BAZ2A: variants seen among roughly 807,000 people sequenced by gnomAD.
The protein encoded by BAZ2A is bromodomain adjacent to zinc finger domain protein 2A.
In BAZ2A, 34 loss-of-function variants were observed where a neutral mutation model predicts 199.9. The ratio of observed to expected loss-of-function variants is 0.17; its 90% confidence interval spans 0.13 to 0.23. BAZ2A has a LOEUF of 0.23. Ranked by LOEUF, BAZ2A falls within the 10% of genes least tolerant of loss-of-function variation. The pLI is 1.00. For missense variants in BAZ2A, 2,002 were observed against 2,391.1 expected (o/e 0.84, Z 3.39); for synonymous variants, 857 against 883.9 (o/e 0.97, Z 0.54).
chr12:56,611,417 G>T, intron 7 of BAZ2A, 156 bp downstream of exon 7: 1 of 725,244 alleles, frequency 1.4e-6, no homozygotes, highest in Non-Finnish European at 2.3e-6. Context: ...GGAATCTCAT[G>T]CCAAGAAACA....
chr12:56,635,090 A>G, upstream of BAZ2A: 1 of 963,782 alleles, frequency 1.0e-6, no homozygotes, highest in Non-Finnish European at 1.2e-6. The surrounding 1 kb of genome is among the most constrained non-coding windows in gnomAD (Gnocchi z 4.1). Context: ...GGAACTACCG[A>G]GGTGAGGACA....
intron 26 of BAZ2A, 147 bp from the exon 27 acceptor site, chr12:56,599,505 G>A (rs1394080486): frequency 8.2e-7 from 1 of 1,219,644 alleles, no homozygotes; most frequent in South Asian, 1.6e-5. Flanking sequence ...AATGAAGTAG[G>A]TAAAAGGGAA....
intron 1 of BAZ2A, among the ~76,000 whole-genome samples, chr12:56,625,747 G>A (rs888733952): frequency 2.6e-5 from 4 of 151,174 alleles, no homozygotes; most frequent in African/African-American, 7.3e-5. Context: ...ATGGTGGCGC[G>A]CGCCTGTAGT....
At chr12:56,625,362 G>A (rs1951055406) in intron 1 of BAZ2A, among the ~76,000 whole-genome samples, 2 of 151,708 alleles carry the variant, frequency 1.3e-5, no homozygotes, top group South Asian at 2.1e-4. Context: ...CACCATGTTG[G>A]TCAGGCTGGT....
chr12:56,610,123 G>A lies in BAZ2A; in HGVS notation c.1872C>T (p.Asp624=), dbSNP rs372336158. 1 of 1,613,918 alleles carries A rather than the reference G, an allele frequency of 6.2e-7. No individual in the cohort carries two copies. Among genetic ancestry groups the A allele is most frequent in the Non-Finnish European group, 8.5e-7 (1 of 1,179,850 alleles). The change falls in exon 9 of 29, where the codon GAC becomes GAT. Residue 624 remains aspartate (D), a synonymous_variant. Transcript: ENST00000549884. ...ACCCTTGGGTCTGCACCTCTGGCGT[G>A]TCTCTTTCTTCAAAGAAATCTCCAA... is the stretch of plus-strand genomic sequence containing the variant. ...MPVGDFFEER[D]TPEGLQWVQL...
chr12:56,603,517 T>C lies in BAZ2A; in HGVS notation c.3219+3A>G, dbSNP rs1950246694. On this transcript the variant is annotated splice_donor_region_variant and intron_variant, in intron 17 of 28. Transcript: ENST00000549884. ...CCCACTTTCCTTGATCTTGGGCCAG[T>C]ACCTCTCCATCTCTTCGACCCCTGC... The C allele has an allele frequency of 6.2e-7, 1 of 1,613,914 alleles. No individual in the cohort carries two copies.
Position 56,616,687 on chromosome 12 carries a change from G to A in BAZ2A, c.136+708C>T, listed in dbSNP as rs74873612. On this transcript the variant is annotated intron_variant, in intron 2 of 28. Coordinates refer to ENST00000549884, the MANE Select transcript of BAZ2A (RefSeq NM_001300905.2). ...GCTTCTACCATCTGCAACCCTCTTC[G>A]AGAGGATCGGAGGGAGAAGTAGCAG... Among the ~76,000 whole-genome samples the A allele has an allele frequency of 8.4e-3, 1,286 of 152,250 alleles. 12 individuals are homozygous for A. The highest frequency in any genetic ancestry group is 0.013 in the Non-Finnish European group (911 of 68,006).
Position 56,614,158 on chromosome 12 carries a change from A to G in BAZ2A, c.731-20T>C, listed in dbSNP as rs371466898. On this transcript the variant is annotated intron_variant, in intron 3 of 28. Transcript: ENST00000549884. ...TCAGTTCTAGGAAATCACAGGAGAG[A>G]CCAAAAGTCAAAATCAGTGCCTTAT... The G allele has an allele frequency of 1.5e-5, 24 of 1,606,950 alleles. No individual in the cohort carries two copies. In the East Asian group the frequency reaches 3.1e-4, roughly 21 times the overall value.
At chr12:56,628,091 C>T (rs771113489) in intron 1 of BAZ2A, among the ~76,000 whole-genome samples, 2 of 135,116 alleles carry the variant, frequency 1.5e-5, no homozygotes, top group South Asian at 4.8e-4. Flanking sequence ...CTGAGACAGG[C>T]AACTCGCTTG....
At chr12:56,638,252 A>C, upstream of BAZ2A, 3 of 1,275,910 alleles carry the variant, frequency 2.4e-6, no homozygotes, top group Admixed American at 1.9e-5. Context: ...GCTCTTGTGC[A>C]GCCTACACAG....
chr12:56,611,456 C>A, intron 7 of BAZ2A, 117 bp downstream of exon 7: 1 of 1,004,580 alleles, frequency 1.0e-6, no homozygotes, highest in Admixed American at 2.1e-5. Context: ...GTCCTGTAAT[C>A]TACTCTTGTC....
chr12:56,599,573 T>C (rs773660469), intron 26 of BAZ2A, 129 bp downstream of exon 26: 14 of 1,386,748 alleles, frequency 1.0e-5, no homozygotes, highest in Non-Finnish European at 1.3e-5. Flanking sequence ...TTTAAGTGAC[T>C]TGTCCAAAAA....
intron 4 of BAZ2A, among the ~76,000 whole-genome samples, chr12:56,613,719 C>A (rs1950632186): frequency 6.6e-6 from 1 of 152,124 alleles, no homozygotes; most frequent in Non-Finnish European, 1.5e-5. Context: ...TATTACAGCC[C>A]AGAGCTCTTG....
chr12:56,605,706 C>G, intron 13 of BAZ2A, 124 bp downstream of exon 13: 1 of 1,107,560 alleles, frequency 9.0e-7, no homozygotes, highest in Non-Finnish European at 1.3e-6. Flanking sequence ...ACAGTGTGAG[C>G]CATGGCACCC....
At chr12:56,621,309 G>A (rs1950914606) in intron 1 of BAZ2A, 1 of 949,560 alleles carries the variant, frequency 1.1e-6, no homozygotes, top group Admixed American at 6.2e-5. Context: ...CATGTCGATG[G>A]CTCACAGAAA....
chr12:56,603,285 C>A, intron 18 of BAZ2A, 74 bp downstream of exon 18: 1 of 1,477,652 alleles, frequency 6.8e-7, no homozygotes, highest in Admixed American at 2.0e-5. Flanking sequence ...AATTAAAATT[C>A]AGTTTAAAAA....
intron 1 of BAZ2A, 80 bp downstream of exon 1, chr12:56,630,045 A>G (rs2137416686): frequency 1.1e-6 from 1 of 905,880 alleles, no homozygotes; most frequent in African/African-American, 1.8e-5. Flanking sequence ...CCGGCTCTGG[A>G]GCTTCTGTTC....
chr12:56,600,644 T>C lies in BAZ2A; in HGVS notation c.4602+37A>G, dbSNP rs781325115. On this transcript the variant is annotated intron_variant, in intron 23 of 28. Coordinates refer to ENST00000549884, the MANE Select transcript of BAZ2A (RefSeq NM_001300905.2). ...ACAGGGCATAAGGGACTAATGCTTT[T>C]CCCCAACCTTCCTACACAGTGCCAA... The C allele has an allele frequency of 2.5e-6, 4 of 1,601,940 alleles. No individual in the cohort carries two copies. In the Admixed American group the frequency reaches 5.1e-5, roughly 20 times the overall value.
chr12:56,605,720 C>T lies in BAZ2A; in HGVS notation c.2493+110G>A. 3 of 1,227,492 alleles carry T rather than the reference C, an allele frequency of 2.4e-6. No homozygotes were observed. In the South Asian group the frequency reaches 4.8e-5, roughly 19 times the overall value. 76.0% of individuals were successfully genotyped at this position (1,227,492 alleles called of 1,614,324 possible). On this transcript the variant is annotated intron_variant, in intron 13 of 28. Transcript: ENST00000549884. ...TACAGTGTGAGCCATGGCACCCGGC[C>T]TTCCTTTAATCTTTAATGGAAATGT...
Sources: allele counts gnomAD v4.1 joint callset (sites outside exome capture counted in the v4.1 genomes callset), GRCh38; gene constraint gnomAD v4.1.1; non-coding constraint Gnocchi (gnomAD v3.1); transcripts MANE v1.5; gene names NCBI Gene and HGNC (gene_info 2026-07-23, HGNC 2026-07-21).